SETBP1: variants seen among roughly 807,000 people sequenced by gnomAD.
SETBP1 encodes the protein SET binding protein 1.
Under a neutral mutation model 101.0 loss-of-function variants are expected in SETBP1, and 9 were observed. The ratio of observed to expected loss-of-function variants is 0.09; its 90% CI spans 0.05 to 0.16. The LOEUF (loss-of-function observed/expected upper bound fraction) is 0.16, where lower values mean the gene tolerates loss of function less well. Ranked by LOEUF, SETBP1 falls within the 10% of genes least tolerant of loss-of-function variation. SETBP1 has a pLI of 1.00. For synonymous variants in SETBP1, 818 were observed against 788.5 expected, an observed-to-expected ratio of 1.04 and a Z score of -0.63; for missense variants, 1,858 against 2,033.8, an observed-to-expected ratio of 0.91 and a Z score of 1.66.
At chr18:44,875,377 G>A (rs1287698255) in intron 3 of SETBP1, among the ~76,000 whole-genome samples, 1 of 151,966 alleles carries the variant, frequency 6.6e-6, no homozygotes, top group Non-Finnish European at 1.5e-5. Flanking sequence ...AACTAGCTGG[G>A]CGTGGTGCTG....
At chr18:45,010,492 G>A (rs1483730624) in intron 4 of SETBP1, among the ~76,000 whole-genome samples, 1 of 152,094 alleles carries the variant, frequency 6.6e-6, no homozygotes, top group African/African-American at 2.4e-5. Context: ...ACATTTTTTG[G>A]ATTAAGCAGG....
intron 2 of SETBP1, among the ~76,000 whole-genome samples, chr18:44,805,433 T>TGTGG (rs1379703224): frequency 1.1e-4 from 16 of 150,002 alleles, no homozygotes; most frequent in African/African-American, 3.2e-4. Flanking sequence ...TGTGTGTGTG[T>TGTGG]GGGTGTGTTT....
intron 2 of SETBP1, among the ~76,000 whole-genome samples, chr18:44,786,734 G>A (rs1433259423): frequency 6.6e-6 from 1 of 152,160 alleles, no homozygotes. Context: ...TGAATATTTG[G>A]ATCTTGCTTT....
chr18:44,735,996 G>A (rs1239273874), intron 2 of SETBP1, among the ~76,000 whole-genome samples: 1 of 152,160 alleles, frequency 6.6e-6, no homozygotes, highest in Non-Finnish European at 1.5e-5. Flanking sequence ...ACTATCAGCT[G>A]CTGCTGCCTT....
chr18:44,725,442 G>A (rs1053838278), intron 2 of SETBP1, among the ~76,000 whole-genome samples: 7 of 152,164 alleles, frequency 4.6e-5, no homozygotes, highest in Non-Finnish European at 8.8e-5. Flanking sequence ...GTTTGGGGAA[G>A]TAGTTAGGAA....
chr18:44,771,475 G>T (rs2070871148), intron 2 of SETBP1, among the ~76,000 whole-genome samples: 1 of 151,944 alleles, frequency 6.6e-6, no homozygotes, highest in South Asian at 2.1e-4. Context: ...AAAAGACCCT[G>T]CAAAGGGGCC....
rs2145593428 is a variant in SETBP1, at chr18:45,063,299, C to T, written c.4392C>T (p.Phe1464=). 1.2e-6 allele frequency: 2 copies of T among 1,606,500 alleles called. No homozygotes were observed. The highest frequency in any genetic ancestry group is 1.7e-6 in the Non-Finnish European group (2 of 1,176,272). The change falls in exon 6 of 6, where the codon TTC becomes TTT. Residue 1464 remains phenylalanine, a synonymous_variant. Coordinates refer to ENST00000649279, the MANE Select transcript of SETBP1 (RefSeq NM_015559.3). ...GTCCCAGGAAGCAGCCCACCCAGTT[C>T]GATGAGGACTCCAGAGACCAAATGC... The part of the protein sequence containing the change: ...RGRPRKQPTQ[F]DEDSRDQMPV...
chr18:44,733,080 ACCT>A (rs773196206), intron 2 of SETBP1: 8 of 152,172 alleles, frequency 5.3e-5, no homozygotes, highest in Non-Finnish European at 1.0e-4. Context: ...CTAGCTCCAG[ACCT>A]AGATGAGGGA....
At chr18:45,011,696 C>T (rs1228436532) in intron 4 of SETBP1, among the ~76,000 whole-genome samples, 2 of 152,206 alleles carry the variant, frequency 1.3e-5, no homozygotes, top group Non-Finnish European at 1.5e-5. Context: ...CTTCTAAAAC[C>T]TACTCCCCAG....
At chr18:44,916,743 C>G (rs1193334414) in intron 3 of SETBP1, among the ~76,000 whole-genome samples, 1 of 152,236 alleles carries the variant, frequency 6.6e-6, no homozygotes, top group Non-Finnish European at 1.5e-5. Context: ...TAACTCCCAA[C>G]TTTGCTATTC....
intron 3 of SETBP1, among the ~76,000 whole-genome samples, chr18:44,939,664 C>T (rs752105439): frequency 6.6e-6 from 1 of 152,192 alleles, no homozygotes; most frequent in East Asian, 1.9e-4. Context: ...GTTTTATGCT[C>T]CCTCCAACAA....
intron 3 of SETBP1, among the ~76,000 whole-genome samples, chr18:44,891,711 A>G (rs1402720218): frequency 1.3e-5 from 2 of 152,020 alleles, no homozygotes; most frequent in African/African-American, 4.8e-5. Context: ...TTCCTGGGTT[A>G]TTGCTTAGTC....
intron 4 of SETBP1, among the ~76,000 whole-genome samples, chr18:45,006,948 C>T (rs1422619529): frequency 6.6e-6 from 1 of 152,206 alleles, no homozygotes; most frequent in Non-Finnish European, 1.5e-5. Flanking sequence ...GAGCCACAAA[C>T]ATATGGTCTG....
intron 3 of SETBP1, among the ~76,000 whole-genome samples, chr18:44,929,099 A>G (rs2070767814): frequency 6.6e-6 from 1 of 152,132 alleles, no homozygotes; most frequent in Non-Finnish European, 1.5e-5. Flanking sequence ...TCCGTCTTGA[A>G]TTAATTTTTG....
rs1315883858 is a variant in SETBP1 at position 44,952,119 on chromosome 18, T to G, written c.2779T>G (p.Phe927Val). 3.7e-6 allele frequency: 6 copies of G among 1,613,956 alleles called. No individual in the cohort carries two copies. The highest frequency in any genetic ancestry group is 5.1e-6 in the Non-Finnish European group (6 of 1,180,036). Residue 927 changes from phenylalanine to valine, a missense_variant, in exon 4 of 6, where the codon TTT (phenylalanine) becomes GTT (valine). By Grantham distance (50) the Phe-to-Val change is conservative (BLOSUM62 -1). This residue lies in a region of SETBP1 where 255 missense variants were observed against 300.1 expected (regional missense o/e 0.85). Transcript: ENST00000649279. ...GCAAAAGCATCTCATTGTGGACAACTTTCTGGCCCACGAAAGCCTCAAGAA... is the reference window on the plus strand; with the variant it reads ...GCAAAAGCATCTCATTGTGGACAACGTTCTGGCCCACGAAAGCCTCAAGAA... ...HRQKHLIVDN[F>V]LAHESLKKPK... is the part of the protein sequence containing the mutation.
chr18:44,979,235 T>G (rs2072058286), intron 4 of SETBP1, among the ~76,000 whole-genome samples: 1 of 152,134 alleles, frequency 6.6e-6, no homozygotes. Flanking sequence ...ATCTGAGAGG[T>G]CAACTCCAGT....
chr18:44,779,961 T>C (rs952227348), intron 2 of SETBP1, among the ~76,000 whole-genome samples: 6 of 151,282 alleles, frequency 4.0e-5, no homozygotes, highest in African/African-American at 9.7e-5. Flanking sequence ...CACACACGCA[T>C]GCACACACAC....
chr18:44,837,706 A>T (rs1407520963), intron 2 of SETBP1, among the ~76,000 whole-genome samples: 5 of 152,200 alleles, frequency 3.3e-5, no homozygotes, highest in South Asian at 4.1e-4. Flanking sequence ...GATGAGCATG[A>T]CAGCTGCCCA....
chr18:44,857,597 G>T (rs755778839), intron 2 of SETBP1, among the ~76,000 whole-genome samples: 13 of 152,146 alleles, frequency 8.5e-5, no homozygotes, highest in Non-Finnish European at 1.3e-4. Flanking sequence ...ATTACTAAAG[G>T]GCTTTCAGAC....
Sources: allele counts gnomAD v4.1 joint callset (sites outside exome capture counted in the v4.1 genomes callset), GRCh38; gene constraint gnomAD v4.1.1; regional missense constraint gnomAD v4.1.1; transcripts MANE v1.5; gene names NCBI Gene and HGNC (gene_info 2026-07-23, HGNC 2026-07-21).